KIAA1549: variants seen among roughly 807,000 people sequenced by gnomAD.
The protein encoded by KIAA1549 is KIAA1549.
Under a neutral mutation model 156.4 loss-of-function variants are expected in KIAA1549, and 70 were observed. The ratio of observed to expected loss-of-function variants is 0.45; its 90% CI spans 0.37 to 0.55. KIAA1549 has a LOEUF of 0.55. Among genes scored for constraint, KIAA1549 ranks in the 20% least tolerant of loss-of-function variants. The pLI is 0.00. For synonymous variants in KIAA1549, 1,103 were observed against 1,066.4 expected, an observed-to-expected ratio of 1.03 and a Z score of -0.67; for missense variants, 2,428 against 2,540.9, an observed-to-expected ratio of 0.96 and a Z score of 0.96.
At chr7:138,920,160 G>T in intron 1 of KIAA1549, among the ~76,000 whole-genome samples, 1 of 145,886 alleles carries the variant, frequency 6.9e-6, no homozygotes, top group Admixed American at 6.7e-5. Context: ...ACCCCCGCCT[G>T]GAATGCCCTT....
chr7:138,934,427 G>A (rs1812952369), intron 1 of KIAA1549, among the ~76,000 whole-genome samples: 1 of 149,902 alleles, frequency 6.7e-6, no homozygotes, highest in African/African-American at 2.4e-5. Context: ...AAAAAAACAA[G>A]TCCAGAACAT....
Position 138,837,973 on chromosome 7 carries a change from T to C in KIAA1549, c.5786A>G (p.Lys1929Arg), listed in dbSNP as rs745641653. 6.2e-7 allele frequency: 1 copy of C among 1,613,676 alleles called. No homozygotes were observed. The highest frequency in any genetic ancestry group is 8.5e-7 in the Non-Finnish European group (1 of 1,179,818). The change falls in exon 20 of 20, where the codon AAA (lysine) becomes AGA (arginine). Residue 1929 changes from lysine to arginine, a missense_variant. By Grantham distance (26) the Lys-to-Arg change is conservative (BLOSUM62 2). Transcript: ENST00000422774. Reference sequence around the variant, plus strand: ...CCGGAGGAGCTCCTCGCGGATTGCTTTGATGAGAGAGGCCGAGGAGTGGCC... The same window carrying C: ...CCGGAGGAGCTCCTCGCGGATTGCTCTGATGAGAGAGGCCGAGGAGTGGCC... ...QPGHSSASLI[K>R]AIREELLRLS... is the part of the protein sequence containing the mutation.
Position 138,918,657 on chromosome 7 carries a change from A to G in KIAA1549, c.969T>C (p.Thr323=). ...EVWATSADRY[T]DVTTVLSQSL... is the part of the protein sequence containing the mutation. The stretch of plus-strand genomic sequence containing the variant: ...TTTGACTCAACACAGTGGTCACATC[A>G]GTGTATCTGTCTGCACTTGTGGCCC... Residue 323 remains threonine, a synonymous_variant, in exon 2 of 20, where the codon ACT becomes ACC. Transcript: ENST00000422774. The surrounding 1 kb of genome is among the most constrained non-coding windows in gnomAD (Gnocchi z 4.2). 2 of 1,613,796 alleles carry G rather than the reference A, an allele frequency of 1.2e-6. No individual in the cohort carries two copies. Among genetic ancestry groups the G allele is most frequent in the Non-Finnish European group, 8.5e-7 (1 of 1,179,876 alleles).
rs1809764494 is a variant in KIAA1549, at chr7:138,837,731, G to A, written c.*175C>T. 2 of 649,692 alleles carry A rather than the reference G, an allele frequency of 3.1e-6. No homozygotes were observed. Among genetic ancestry groups the A allele is most frequent in the Non-Finnish European group, 5.1e-6 (2 of 389,046 alleles). 40.2% of individuals were successfully genotyped at this position (649,692 alleles called of 1,614,324 possible). ...TCAGACAATTGCCAGCCCAGTGAAA[G>A]GCTCATGAGCTGTCACACGACGTAT... On this transcript the variant is annotated 3_prime_UTR_variant, in exon 20 of 20. Transcript: ENST00000422774.
chr7:138,863,473 AG>A (rs766786803), intron 15 of KIAA1549, among the ~76,000 whole-genome samples: 3 of 152,136 alleles, frequency 2.0e-5, no homozygotes, highest in Admixed American at 6.5e-5. Context: ...GAAGGGCAGT[AG>A]GTTCTTAACT....
chr7:138,869,069 G>A (rs1810841540), intron 14 of KIAA1549, among the ~76,000 whole-genome samples: 1 of 152,236 alleles, frequency 6.6e-6, no homozygotes, highest in East Asian at 1.9e-4. Context: ...CCCAGACCCT[G>A]CAGGCAGCTG....
intron 1 of KIAA1549, among the ~76,000 whole-genome samples, chr7:138,963,095 C>G (rs756377824): frequency 3.9e-5 from 6 of 152,240 alleles, no homozygotes; most frequent in Non-Finnish European, 8.8e-5. Context: ...GTGCTCAGCA[C>G]ATGGCAGTGA....
Position 138,881,468 on chromosome 7 carries a change from G to T in KIAA1549, c.4149C>A (p.Asp1383Glu). Residue 1383 changes from aspartate to glutamate, a missense_variant, in exon 11 of 20, where the codon GAC becomes GAA. Transcript: ENST00000422774. ...CTCCATTTTCCGAGGGCGTGGTGTG[G>T]TCCTTCAGAGGTCCTGGCAGTGGCG... ...EPAPLPGPLK[D>E]HTTPSENGDV... 1 of 1,614,016 alleles carries T rather than the reference G, an allele frequency of 6.2e-7. No individual in the cohort carries two copies. The highest frequency in any genetic ancestry group is 1.1e-5 in the South Asian group (1 of 91,080).
chr7:138,958,075 T>C (rs1260765356), intron 1 of KIAA1549, among the ~76,000 whole-genome samples: 2 of 152,370 alleles, frequency 1.3e-5, no homozygotes, highest in South Asian at 2.1e-4. Flanking sequence ...TACATATTTG[T>C]CTTTCCTCGT....
chr7:138,871,349 G>A lies in KIAA1549; in HGVS notation c.4359C>T (p.Pro1453=). 1 of 1,543,548 alleles carries A rather than the reference G, an allele frequency of 6.5e-7. No homozygotes were observed. The highest frequency in any genetic ancestry group is 8.7e-7 in the Non-Finnish European group (1 of 1,146,476). Reference sequence around the variant, plus strand: ...ATGAGTGCTGCTCATTTCCCGAACTGGGCAGTGGTGGCCCTGGAACAGAAG... The same window carrying A: ...ATGAGTGCTGCTCATTTCCCGAACTAGGCAGTGGTGGCCCTGGAACAGAAG... ...HRAPQSGPPL[P]SSGNEQHSSA... Residue 1453 remains proline, a synonymous_variant, in exon 13 of 20, where the codon CCC becomes CCT. Transcript: ENST00000422774.
In KIAA1549 at chr7:138,981,179, G is replaced by A; in HGVS notation, c.91C>T (p.Arg31Trp). 8.8e-7 allele frequency: 1 copy of A among 1,141,796 alleles called. No individual in the cohort carries two copies. Among genetic ancestry groups the A allele is most frequent in the Non-Finnish European group, 1.1e-6 (1 of 930,576 alleles). 70.7% of individuals were successfully genotyped at this position (1,141,796 alleles called of 1,614,324 possible). A position where few individuals can be genotyped will look rare whatever the true frequency, so the allele number is the denominator to read the frequency against. Reference protein sequence around the residue: ...VALAPGPSGRRPSARCARRRR... With the variant: ...VALAPGPSGRWPSARCARRRR... ...CGGCGGGCGCAGCGGGCGGAAGGCC[G>A]TCGGCCGCTCGGCCCCGGGGCCAGC... The change falls in exon 1 of 20, where the codon CGG becomes TGG. Residue 31 changes from arginine (R) to tryptophan (W), a missense_variant. Coordinates refer to ENST00000422774, the MANE Select transcript of KIAA1549 (RefSeq NM_001164665.2). This position sits in a 1 kb window ranked among gnomAD's most constrained non-coding sequence, Gnocchi z 4.5.
chr7:138,965,542 G>T (rs1321151635), intron 1 of KIAA1549, among the ~76,000 whole-genome samples: 1 of 152,188 alleles, frequency 6.6e-6, no homozygotes, highest in Admixed American at 6.5e-5. Flanking sequence ...CCCATCAACA[G>T]AGAACCAGAT....
intron 1 of KIAA1549, among the ~76,000 whole-genome samples, chr7:138,931,567 C>T (rs1353447323): frequency 6.6e-6 from 1 of 151,600 alleles, no homozygotes; most frequent in Non-Finnish European, 1.5e-5. Flanking sequence ...GCCTGGCCAA[C>T]ATGGTGAAAA....
chr7:138,976,911 C>G (rs138606972), intron 1 of KIAA1549, among the ~76,000 whole-genome samples: 1 of 152,336 alleles, frequency 6.6e-6, no homozygotes, highest in African/African-American at 2.4e-5. Context: ...AAATTCTTAA[C>G]AAGCACCCCC....
At chr7:138,920,111 C>T (rs1812517175) in intron 1 of KIAA1549, among the ~76,000 whole-genome samples, 1 of 66,090 alleles carries the variant, frequency 1.5e-5, no homozygotes, top group African/African-American at 1.8e-4. Flanking sequence ...GTGCCCCAAA[C>T]CCAAACACTC....
chr7:138,912,250 A>C (rs1265910883), intron 3 of KIAA1549, 122 bp downstream of exon 3: 1 of 744,522 alleles, frequency 1.3e-6, no homozygotes, highest in Non-Finnish European at 2.4e-6. Context: ...AACCAGGAAC[A>C]GACAAGAGGG....
At chr7:138,933,064 C>A (rs985853847) in intron 1 of KIAA1549, among the ~76,000 whole-genome samples, 7 of 151,980 alleles carry the variant, frequency 4.6e-5, no homozygotes, top group Non-Finnish European at 8.8e-5. Flanking sequence ...CACGTGCAGG[C>A]TGGAGAGGCC....
chr7:138,844,719 G>C (rs960741254), intron 17 of KIAA1549, among the ~76,000 whole-genome samples: 9 of 152,106 alleles, frequency 5.9e-5, no homozygotes, highest in African/African-American at 1.9e-4. Context: ...ACAAAAGCCA[G>C]GGCCTGCTCA....
chr7:138,947,584 A>G (rs1174776899), intron 1 of KIAA1549, among the ~76,000 whole-genome samples: 1 of 152,240 alleles, frequency 6.6e-6, no homozygotes, highest in East Asian at 1.9e-4. Flanking sequence ...CTTACAAAAC[A>G]TATACAATAC....
Sources: allele counts gnomAD v4.1 joint callset (sites outside exome capture counted in the v4.1 genomes callset), GRCh38; gene constraint gnomAD v4.1.1; non-coding constraint Gnocchi (gnomAD v3.1); transcripts MANE v1.5; gene names NCBI Gene and HGNC (gene_info 2026-07-23, HGNC 2026-07-21).